The following CPNE2 variants were observed in gnomAD, a reference collection of about 807,000 sequenced individuals.
CPNE2 encodes copine-2.
CPNE2 carries 42 observed loss-of-function variants against 69.7 expected under a neutral mutation model. That is an observed-to-expected ratio of 0.60 (90% CI 0.47 to 0.78). CPNE2 has a LOEUF of 0.78. Ranked by LOEUF, CPNE2 falls within the 30% of genes least tolerant of loss-of-function variation. The pLI, the probability that CPNE2 is intolerant of heterozygous loss-of-function variation, is 0.00. For missense variants in CPNE2, 587 were observed against 732.0 expected, an observed-to-expected ratio of 0.80 and a Z score of 2.29; for synonymous variants, 294 against 289.8, an observed-to-expected ratio of 1.01 and a Z score of -0.15.
chr16:57,121,792 G>C, intron 9 of CPNE2, 32 bp downstream of exon 9: 1 of 1,604,362 alleles, frequency 6.2e-7, no homozygotes, highest in Non-Finnish European at 8.5e-7. Context: ...CGAGCCAGGG[G>C]CCAGGTTTCA....
chr16:57,137,225 C>T lies in CPNE2; in HGVS notation c.1245C>T (p.Pro415=), dbSNP rs370743174. ...TCTACGGTCCTACCAATTTCTCCCC[C>T]ATCGTCAACCACGTGGCCCGGTTTG... ...IRFYGPTNFS[P]IVNHVARFAA... is the part of the protein sequence containing the mutation. Residue 415 remains proline (P), a synonymous_variant, in exon 14 of 16, where the codon CCC becomes CCT. Transcript: ENST00000290776. The T allele has an allele frequency of 6.2e-6, 10 of 1,614,138 alleles. No homozygotes were observed. The highest frequency in any genetic ancestry group is 8.5e-6 in the Non-Finnish European group (10 of 1,180,052).
rs774540678 is a variant in CPNE2 at position 57,121,206 on chromosome 16, T to C, written c.780+15T>C. 1.2e-6 allele frequency: 2 copies of C among 1,609,812 alleles called. No individual in the cohort carries two copies. Among genetic ancestry groups the C allele is most frequent in the East Asian group, 2.2e-5 (1 of 44,814 alleles). ...ACAGCGTCCCGGTGAGATGGGCACG[T>C]GTACTGTAACCCCAAGACCTCAGCA... is the stretch of plus-strand genomic sequence containing the variant. On this transcript the variant is annotated intron_variant, in intron 8 of 15. Coordinates refer to ENST00000290776, the MANE Select transcript of CPNE2 (RefSeq NM_152727.6).
At chr16:57,114,654 C>T (rs2145250261) in intron 3 of CPNE2, among the ~76,000 whole-genome samples, 1 of 152,308 alleles carries the variant, frequency 6.6e-6, no homozygotes, top group East Asian at 1.9e-4. Flanking sequence ...GCTCGCACTG[C>T]ACCCAGGAAG....
rs1481451922 is a variant in CPNE2 at position 57,117,653 on chromosome 16, G to A, written c.507+86G>A. The A allele has an allele frequency of 2.8e-6, 4 of 1,447,642 alleles. No homozygotes were observed. The African/African-American group carries it at 4.2e-5, about 15-fold the overall frequency. The allele number at this position is 1,447,642 out of a possible 1,614,324, so 89.7% of individuals were successfully genotyped here. A position where few individuals can be genotyped will look rare whatever the true frequency, so the allele number is the denominator to read the frequency against. On this transcript the variant is annotated intron_variant, in intron 5 of 15. Transcript: ENST00000290776. ...GTGTGGCCTCATTCCGGGACCTCGG[G>A]CCACCACCTCCATCACATTCTAGGG...
At chr16:57,100,400 C>G (rs1481884864) in intron 1 of CPNE2, among the ~76,000 whole-genome samples, 1 of 152,232 alleles carries the variant, frequency 6.6e-6, no homozygotes, top group Admixed American at 6.5e-5. Context: ...CATCAGGGAA[C>G]CTGGATGTTG....
Position 57,147,731 on chromosome 16 carries a change from T to C in CPNE2, c.*73T>C. 4.0e-6 allele frequency: 4 copies of C among 1,007,296 alleles called. No individual in the cohort carries two copies. The highest frequency in any genetic ancestry group is 5.5e-6 in the Non-Finnish European group (4 of 721,696). The allele number at this position is 1,007,296 out of a possible 1,614,324, so 62.4% of individuals were successfully genotyped here. On this transcript the variant is annotated 3_prime_UTR_variant, in exon 16 of 16. Coordinates refer to ENST00000290776, the MANE Select transcript of CPNE2 (RefSeq NM_152727.6). ...CCAGGAACATGCACGCTCACTCTGCTTCCTTGTGGGTGGCCTTTTTTTACC... is the reference window on the plus strand; with the variant it reads ...CCAGGAACATGCACGCTCACTCTGCCTCCTTGTGGGTGGCCTTTTTTTACC...
In CPNE2 at chr16:57,095,068, A is replaced by G. The variant is rs2069569840; in HGVS notation, c.-36+2278A>G. 5.3e-5 allele frequency among the ~76,000 whole-genome samples: 8 copies of G among 152,128 alleles called. No homozygotes were observed. The South Asian group carries it at 1.7e-3, about 31-fold the overall frequency. On this transcript the variant is annotated intron_variant, in intron 1 of 15. Coordinates refer to ENST00000290776, the MANE Select transcript of CPNE2 (RefSeq NM_152727.6). The stretch of plus-strand genomic sequence containing the variant: ...CCCCTGAACCTTATTCATAGATGGC[A>G]CTGGGGCTACCGAATCAGGAGCAAA...
intron 12 of CPNE2, among the ~76,000 whole-genome samples, chr16:57,129,315 G>A (rs2069821887): frequency 6.6e-6 from 1 of 152,198 alleles, no homozygotes; most frequent in African/African-American, 2.4e-5. Context: ...GCGAGAGTGG[G>A]CAGAGTGGAG....
intron 9 of CPNE2, among the ~76,000 whole-genome samples, chr16:57,122,486 T>C (rs1276927741): frequency 1.3e-5 from 2 of 152,256 alleles, no homozygotes; most frequent in Non-Finnish European, 1.5e-5. Context: ...AGCCTTGTGA[T>C]GGATGGTCCT....
intron 12 of CPNE2, among the ~76,000 whole-genome samples, chr16:57,132,692 T>C (rs1443418304): frequency 6.6e-6 from 1 of 152,134 alleles, no homozygotes; most frequent in Non-Finnish European, 1.5e-5. Context: ...TTATGACTTT[T>C]CTCAGGCAAA....
chr16:57,119,461 G>A (rs556525033), intron 6 of CPNE2, 100 bp from the exon 7 acceptor site: 152 of 1,161,256 alleles, frequency 1.3e-4, no homozygotes, highest in Admixed American at 9.1e-4. Flanking sequence ...AAGTGTGGCT[G>A]TGGGTCTGCA....
chr16:57,111,093 A>G (rs865980433), intron 2 of CPNE2, among the ~76,000 whole-genome samples, 171 bp downstream of exon 2: 2 of 128,014 alleles, frequency 1.6e-5, no homozygotes, highest in South Asian at 2.6e-4. Context: ...TTTATTTTAA[A>G]TATATTTAAA....
In CPNE2 at chr16:57,130,516, G is replaced by A. The variant is rs2069830163; in HGVS notation, c.1116+2613G>A. 6.6e-6 allele frequency among the ~76,000 whole-genome samples: 1 copy of A among 152,050 alleles called. No homozygotes were observed. The highest frequency in any genetic ancestry group is 2.1e-4 in the South Asian group (1 of 4,828). On this transcript the variant is annotated intron_variant, in intron 12 of 15. Coordinates refer to ENST00000290776, the MANE Select transcript of CPNE2 (RefSeq NM_152727.6). This position sits in a 1 kb window ranked among gnomAD's most constrained non-coding sequence, Gnocchi z 4.1. ...ACCCATAAGTAGCAGCATTTATTGG[G>A]CCCTTAGAATGTTCTAGATACCACT...
intron 15 of CPNE2, 67 bp from the exon 16 acceptor site, chr16:57,147,484 G>T (rs114800590): frequency 1.3e-5 from 16 of 1,203,836 alleles, no homozygotes; most frequent in Non-Finnish European, 1.7e-5. Context: ...GCATAGTGCC[G>T]CTCACAACTT....
intron 2 of CPNE2, among the ~76,000 whole-genome samples, chr16:57,111,182 C>CTTT (rs5817089): frequency 1.1e-4 from 15 of 138,138 alleles, no homozygotes; most frequent in African/African-American, 3.9e-4. Context: ...TATTTGATAT[C>CTTT]TTTTTTTTTT....
intron 4 of CPNE2, 65 bp from the exon 5 acceptor site, chr16:57,117,431 T>C: frequency 6.5e-7 from 1 of 1,534,642 alleles, no homozygotes. Context: ...TGGGGCACCC[T>C]GTGCCATCCT....
At chr16:57,115,875 A>AATGCGCAACGACTCCCGCG (rs2069715711) in intron 4 of CPNE2, among the ~76,000 whole-genome samples, 1 of 152,326 alleles carries the variant, frequency 6.6e-6, no homozygotes, top group African/African-American at 2.4e-5. Context: ...TGATTCCTGC[A>AATGCGCAACGACTCCCGCG]ATGCGCAACG....
chr16:57,116,244 TCTC>T (rs1253968865), intron 4 of CPNE2, among the ~76,000 whole-genome samples: 2 of 152,156 alleles, frequency 1.3e-5, no homozygotes, highest in Admixed American at 6.5e-5. Context: ...GTTTTTTTAA[TCTC>T]CTTCACTTAA....
chr16:57,105,385 C>T (rs1389267358), intron 1 of CPNE2, among the ~76,000 whole-genome samples: 3 of 151,944 alleles, frequency 2.0e-5, no homozygotes, highest in Admixed American at 6.5e-5. Context: ...GATGCCTCCT[C>T]GCTGGGGTCA....
Sources: allele counts gnomAD v4.1 joint callset (sites outside exome capture counted in the v4.1 genomes callset), GRCh38; gene constraint gnomAD v4.1.1; non-coding constraint Gnocchi (gnomAD v3.1); transcripts MANE v1.5; gene names NCBI Gene and HGNC (gene_info 2026-07-23, HGNC 2026-07-21).